The following PCDHA2 variants were observed in gnomAD, a reference collection of about 807,000 sequenced individuals.
PCDHA2 encodes the protein protocadherin alpha 2.
PCDHA2 carries 58 observed loss-of-function variants against 66.0 expected under a neutral mutation model. That is an observed-to-expected ratio of 0.88 (90% CI 0.71 to 1.09). PCDHA2 has a LOEUF of 1.09. Among genes scored for constraint, PCDHA2 ranks in the 50% least tolerant of loss-of-function variants. PCDHA2 has a pLI of 0.00. For missense variants in PCDHA2, 1,267 were observed against 1,242.3 expected (o/e 1.02, Z -0.30); for synonymous variants, 634 against 554.0 (o/e 1.14, Z -2.03).
At position 140,817,863 on chromosome 5, in the gene PCDHA2, G is replaced by A. The variant is rs934144894; in HGVS notation, c.2388+20511G>A. 3.9e-5 allele frequency among the ~76,000 whole-genome samples: 6 copies of A among 152,130 alleles called. No individual in the cohort carries two copies. In the South Asian group the frequency reaches 6.2e-4, roughly 16 times the overall value. On this transcript the variant is annotated intron_variant, in intron 1 of 3. Transcript: ENST00000526136. ...TATCACTTTTGAGAAACAGTTTTGG[G>A]TATTGAATGAAAGTTATTTTTGCCA...
At chr5:140,806,068 CT>C (rs1763679456) in intron 1 of PCDHA2, among the ~76,000 whole-genome samples, 1 of 152,094 alleles carries the variant, frequency 6.6e-6, no homozygotes, top group Non-Finnish European at 1.5e-5. Flanking sequence ...CACCCTGGTG[CT>C]GCAGTTTGTA....
chr5:140,906,377 A>G (rs1322510294), intron 1 of PCDHA2, among the ~76,000 whole-genome samples: 3 of 152,264 alleles, frequency 2.0e-5, no homozygotes, highest in Admixed American at 6.5e-5. Flanking sequence ...ATGCTATTAC[A>G]TAAAGTTAAC....
intron 3 of PCDHA2, among the ~76,000 whole-genome samples, chr5:140,984,589 T>C (rs2097109638): frequency 6.6e-6 from 1 of 152,186 alleles, no homozygotes; most frequent in Non-Finnish European, 1.5e-5. Flanking sequence ...ATCATACTTT[T>C]CAATACATAC....
At chr5:140,802,681 T>C in intron 1 of PCDHA2, 1 of 1,613,198 alleles carries the variant, frequency 6.2e-7, no homozygotes, top group Non-Finnish European at 8.5e-7. Context: ...TACTCGCTGG[T>C]GGAACGGCGG....
intron 1 of PCDHA2, chr5:140,849,719 G>T (rs1386986772): frequency 6.3e-7 from 1 of 1,598,444 alleles, no homozygotes; most frequent in African/African-American, 1.3e-5. Context: ...ACTCGTTGGT[G>T]CTGGACAGAG....
At chr5:140,875,476 G>T in intron 1 of PCDHA2, 1 of 1,610,156 alleles carries the variant, frequency 6.2e-7, no homozygotes, top group South Asian at 1.1e-5. Flanking sequence ...TTCTGCAATG[G>T]TGATTATCGG....
chr5:140,884,804 T>A (rs1223470171), intron 1 of PCDHA2: 1 of 1,210,196 alleles, frequency 8.3e-7, no homozygotes, highest in Non-Finnish European at 1.1e-6. Flanking sequence ...ATTTAACAAC[T>A]CTGCTGTGGA....
intron 1 of PCDHA2, chr5:140,829,380 G>C (rs1554131916): frequency 2.5e-6 from 4 of 1,613,994 alleles, no homozygotes; most frequent in Non-Finnish European, 3.4e-6. Context: ...GCGCGGGACG[G>C]GGGCTCGCCT....
At chr5:140,917,242 T>C (rs564284004) in intron 1 of PCDHA2, among the ~76,000 whole-genome samples, 1 of 151,850 alleles carries the variant, frequency 6.6e-6, no homozygotes, top group African/African-American at 2.4e-5. Flanking sequence ...ATCTAGGTAC[T>C]ACGATTGCTC....
intron 1 of PCDHA2, chr5:140,848,888 A>T: frequency 6.4e-7 from 1 of 1,564,652 alleles, no homozygotes; most frequent in Non-Finnish European, 8.7e-7. Flanking sequence ...ACAACCCTCC[A>T]GTGTTCCCAG....
chr5:140,926,705 G>A (rs1269250825), intron 1 of PCDHA2: 2 of 849,690 alleles, frequency 2.4e-6, no homozygotes, highest in Non-Finnish European at 3.3e-6. Context: ...GCTCCCAGCT[G>A]GCCAGCCCCG....
rs2150428040 is a variant in PCDHA2, at chr5:140,848,992, C to T, written c.2388+51640C>T. On this transcript the variant is annotated intron_variant, in intron 1 of 3. Coordinates refer to ENST00000526136, the MANE Select transcript of PCDHA2 (RefSeq NM_018905.3). ...TCCGATGCAGATATCGGGGAGAACG[C>T]CCTGCTCACTTACAGACTGAGCCCC... is the stretch of plus-strand genomic sequence containing the variant. The T allele has an allele frequency of 2.5e-6, 4 of 1,597,000 alleles. No individual in the cohort carries two copies. In the African/African-American group the frequency reaches 4.1e-5, roughly 16 times the overall value.
At chr5:140,992,282 TG>T (rs1554252798) in intron 3 of PCDHA2, among the ~76,000 whole-genome samples, 1 of 152,178 alleles carries the variant, frequency 6.6e-6, no homozygotes, top group African/African-American at 2.4e-5. Context: ...AGCACATCCC[TG>T]CAAAGGATGG....
intron 1 of PCDHA2, among the ~76,000 whole-genome samples, chr5:140,847,173 G>A (rs1554141670): frequency 6.7e-6 from 1 of 149,492 alleles, no homozygotes; most frequent in African/African-American, 2.4e-5. Context: ...ATAAACTAAA[G>A]GGCCATGAGT....
chr5:140,842,564 C>A (rs781893579), intron 1 of PCDHA2: 1 of 1,500,320 alleles, frequency 6.7e-7, no homozygotes, highest in South Asian at 1.2e-5. Flanking sequence ...CGCCCTGGAC[C>A]GCGAGAGAGT....
rs375544937 is a variant in PCDHA2 at position 140,795,717 on chromosome 5, G to A, written c.753G>A (p.Leu251=). ...CCCAATCAGTTTACAAAGTAAAATT[G>A]TTAGAGAATACGGCAAATGGGACCT... The part of the protein sequence containing the change: ...TFAQSVYKVK[L]LENTANGTLV... Residue 251 remains leucine (L), a synonymous_variant, in exon 1 of 4, where the codon TTG becomes TTA. Transcript: ENST00000526136. 3 of 1,613,984 alleles carry A rather than the reference G, an allele frequency of 1.9e-6. No homozygotes were observed. The highest frequency in any genetic ancestry group is 8.5e-7 in the Non-Finnish European group (1 of 1,180,024).
intron 1 of PCDHA2, among the ~76,000 whole-genome samples, chr5:140,922,803 A>G (rs2080995467): frequency 6.6e-6 from 1 of 152,246 alleles, no homozygotes; most frequent in African/African-American, 2.4e-5. Flanking sequence ...TGGAATACAG[A>G]AAAAGGAGAT....
intron 1 of PCDHA2, among the ~76,000 whole-genome samples, chr5:140,880,156 A>C (rs1301821759): frequency 6.6e-6 from 1 of 152,250 alleles, no homozygotes; most frequent in Non-Finnish European, 1.5e-5. Context: ...TATATCAAGT[A>C]TATGTTAGAA....
chr5:140,961,263 T>A (rs782231630), intron 1 of PCDHA2, among the ~76,000 whole-genome samples: 1 of 152,218 alleles, frequency 6.6e-6, no homozygotes, highest in Non-Finnish European at 1.5e-5. Flanking sequence ...TCCAGGAAGC[T>A]TCTTTTTACC....
Sources: gnomAD v4.1 joint callset for allele counts (sites outside exome capture counted in the v4.1 genomes callset) on GRCh38, gnomAD v4.1.1 for gene constraint, MANE v1.5 for transcripts, NCBI Gene and HGNC (gene_info 2026-07-23, HGNC 2026-07-21) for gene names.